Variants in CFAP107 observed in about 807,000 individuals in gnomAD.
CFAP107 encodes cilia and flagella associated protein 107.
the CFAP107 span, among the ~76,000 whole-genome samples, chr1:12,752,842 A>T: frequency 1.3e-5 from 2 of 152,096 alleles, no homozygotes; most frequent in Non-Finnish European, 2.9e-5. Flanking sequence ...TTTGTTCAAC[A>T]TAGTGCTGGA....
At chr1:12,746,879 T>C in the CFAP107 span, among the ~76,000 whole-genome samples, 1 of 152,102 alleles carries the variant, frequency 6.6e-6, no homozygotes, top group East Asian at 1.9e-4. Context: ...TTTCTAGGCA[T>C]CTGGATGTTT....
At chr1:12,761,111 C>A in the CFAP107 span, 1 of 623,622 alleles carries the variant, frequency 1.6e-6, no homozygotes, top group Non-Finnish European at 2.7e-6. Context: ...TACCTGTCCC[C>A]CCTCAAAACC....
chr1:12,750,543 T>C, the CFAP107 span, among the ~76,000 whole-genome samples: 1 of 152,168 alleles, frequency 6.6e-6, no homozygotes, highest in Non-Finnish European at 1.5e-5. Context: ...CAAAAAGATA[T>C]TTTGTGCAAA....
the CFAP107 span, among the ~76,000 whole-genome samples, chr1:12,759,911 A>G: frequency 6.6e-6 from 1 of 152,224 alleles, no homozygotes; most frequent in African/African-American, 2.4e-5. Context: ...ACCATTAAAA[A>G]GTAAGAACAC....
the CFAP107 span, among the ~76,000 whole-genome samples, chr1:12,760,599 CA>C: frequency 2.6e-5 from 4 of 152,218 alleles, no homozygotes; most frequent in African/African-American, 7.2e-5. Context: ...CTGGCTGAAC[CA>C]ATGCTCTCTG....
At chr1:12,761,050 G>A in the CFAP107 span, 2 of 1,230,178 alleles carry the variant, frequency 1.6e-6, no homozygotes, top group East Asian at 4.9e-5. Context: ...CTCAGAGTAC[G>A]AGATCTGGCC....
chr1:12,754,363 A>G, the CFAP107 span, among the ~76,000 whole-genome samples: 1 of 152,378 alleles, frequency 6.6e-6, no homozygotes, highest in East Asian at 1.9e-4. Flanking sequence ...ATCAAAAAAC[A>G]GAAAATATCA....
At chr1:12,760,948 C>G in the CFAP107 span, 2 of 1,609,196 alleles carry the variant, frequency 1.2e-6, no homozygotes, top group Admixed American at 3.4e-5. Flanking sequence ...TCCCACACTT[C>G]TGAGAGCTGC....
the CFAP107 span, chr1:12,760,705 T>C: frequency 2.6e-6 from 4 of 1,512,922 alleles, no homozygotes; most frequent in African/African-American, 4.1e-5. Context: ...CTCGTGGCCA[T>C]TGGCCATTTA....
At chr1:12,755,630 G>A in the CFAP107 span, 2 of 1,030,242 alleles carry the variant, frequency 1.9e-6, no homozygotes, top group Non-Finnish European at 3.1e-6. Flanking sequence ...GGCCCAGGAG[G>A]TAAGGGGACC....
chr1:12,760,826 A>G, the CFAP107 span: 3 of 1,614,146 alleles, frequency 1.9e-6, no homozygotes, highest in Non-Finnish European at 2.5e-6. Flanking sequence ...GCTCACACCC[A>G]AGGCTGGCCT....
At chr1:12,755,946 C>T in the CFAP107 span, 20 of 630,110 alleles carry the variant, frequency 3.2e-5, no homozygotes, top group Middle Eastern at 4.3e-4. Flanking sequence ...CCCTCCCAGC[C>T]CGGGGGCTGC....
At chr1:12,757,889 C>T in the CFAP107 span, among the ~76,000 whole-genome samples, 1 of 152,112 alleles carries the variant, frequency 6.6e-6, no homozygotes, top group African/African-American at 2.4e-5. Flanking sequence ...GACTCCAAAG[C>T]CCGTATCCCC....
At chr1:12,758,261 C>G in the CFAP107 span, among the ~76,000 whole-genome samples, 1 of 152,128 alleles carries the variant, frequency 6.6e-6, no homozygotes, top group African/African-American at 2.4e-5. Flanking sequence ...TTTCCCAAAC[C>G]CTAATAAGGA....
the CFAP107 span, chr1:12,755,877 G>A: frequency 0.023 from 26,664 of 1,137,306 alleles, 630 homozygotes; most frequent in East Asian, 0.099. Context: ...GGGGACACCA[G>A]CCAGCTTCTT....
chr1:12,758,358 C>G, the CFAP107 span, among the ~76,000 whole-genome samples: 1 of 152,206 alleles, frequency 6.6e-6, no homozygotes, highest in Non-Finnish European at 1.5e-5. Flanking sequence ...TCCCATGCCA[C>G]GAGGCTGCTT....
chr1:12,754,669 C>T, the CFAP107 span, among the ~76,000 whole-genome samples: 2 of 152,194 alleles, frequency 1.3e-5, no homozygotes, highest in South Asian at 4.1e-4. Flanking sequence ...GGAATATAAT[C>T]AAACCTTAAA....
chr1:12,756,421 C>T, the CFAP107 span, among the ~76,000 whole-genome samples: 27,060 of 152,116 alleles, frequency 0.18, 2,653 homozygotes, highest in Middle Eastern at 0.24. Flanking sequence ...ACTTGGTGTG[C>T]CAGAGGCTGA....
At chr1:12,759,045 C>T in the CFAP107 span, among the ~76,000 whole-genome samples, 1 of 152,144 alleles carries the variant, frequency 6.6e-6, no homozygotes, top group Non-Finnish European at 1.5e-5. Flanking sequence ...TAATGTGCCA[C>T]CATAGCTCAT....
Sources: gnomAD v4.1 joint callset for allele counts (sites outside exome capture counted in the v4.1 genomes callset) on GRCh38, gnomAD v4.1.1 for gene constraint, MANE v1.5 for transcripts, NCBI Gene and HGNC (gene_info 2026-07-23, HGNC 2026-07-21) for gene names.